Variants in NIBAN1 observed in about 807,000 individuals in gnomAD.
NIBAN1 encodes the protein protein Niban 1.
A neutral mutation model predicts 75.1 loss-of-function variants in NIBAN1; 81 were observed. The observed-to-expected ratio is 1.08, with a 90% CI of 0.90 to 1.30. The LOEUF (loss-of-function observed/expected upper bound fraction) is 1.30, where lower values mean the gene tolerates loss of function less well. Among genes scored for constraint, NIBAN1 ranks in the 50% most tolerant of loss-of-function variants. The probability of loss-of-function intolerance (pLI) is 0.00; values close to 1 mark genes in which losing one functional copy is unlikely to be tolerated. For synonymous variants in NIBAN1, 436 were observed against 424.8 expected (o/e 1.03, Z -0.32); for missense variants, 1,133 against 1,128.1 (o/e 1.00, Z -0.06).
intron 1 of NIBAN1, among the ~76,000 whole-genome samples, chr1:184,962,836 G>A (rs971585189): frequency 6.6e-5 from 10 of 152,076 alleles, no homozygotes; most frequent in African/African-American, 2.4e-4. Context: ...CAAGAAACCA[G>A]TAACTTATAT....
At chr1:184,881,114 C>G (rs1443204447) in intron 5 of NIBAN1, among the ~76,000 whole-genome samples, 1 of 152,068 alleles carries the variant, frequency 6.6e-6, no homozygotes, top group Non-Finnish European at 1.5e-5. Flanking sequence ...CACACACACA[C>G]ACACACACAC....
Position 184,795,613 on chromosome 1 carries a change from T to C in NIBAN1, c.2151A>G (p.Thr717=), listed in dbSNP as rs1211710767. The C allele has an allele frequency of 6.2e-7, 1 of 1,614,112 alleles. No individual in the cohort carries two copies. Among genetic ancestry groups the C allele is most frequent in the Non-Finnish European group, 8.5e-7 (1 of 1,180,052 alleles). The change falls in exon 14 of 14, where the codon ACA becomes ACG. Residue 717 remains threonine (T), a synonymous_variant. Transcript: ENST00000367511. ...GSLKALRKLL[T]ASVEVPVDSA... is the part of the protein sequence containing the mutation. ...AGTCCACTGGTACTTCCACGGACGCTGTCAGCAACTTTCTGAGCGCCTTCA... is the reference window on the plus strand; with the variant it reads ...AGTCCACTGGTACTTCCACGGACGCCGTCAGCAACTTTCTGAGCGCCTTCA...
At chr1:184,925,228 T>C (rs907884202) in intron 1 of NIBAN1, among the ~76,000 whole-genome samples, 2 of 152,256 alleles carry the variant, frequency 1.3e-5, no homozygotes, top group South Asian at 2.1e-4. Flanking sequence ...TATAGTTTAC[T>C]CCTGCTCTTT....
In NIBAN1 at chr1:184,974,404, C is replaced by T; in HGVS notation, c.-48G>A. The T allele has an allele frequency of 6.5e-7, 1 of 1,532,058 alleles. No individual in the cohort carries two copies. 94.9% of individuals were successfully genotyped at this position (1,532,058 alleles called of 1,614,324 possible). On this transcript the variant is annotated 5_prime_UTR_variant, in exon 1 of 14. Transcript: ENST00000367511. Reference sequence around the variant, plus strand: ...GCGCGGAAACTGCCCGGTCCGCGCCCGCTGCTAGCTCCTGGAGGTTGATCC... The same window carrying T: ...GCGCGGAAACTGCCCGGTCCGCGCCTGCTGCTAGCTCCTGGAGGTTGATCC...
At chr1:184,919,466 A>T (rs1557914497) in intron 1 of NIBAN1, among the ~76,000 whole-genome samples, 1 of 152,226 alleles carries the variant, frequency 6.6e-6, no homozygotes, top group Non-Finnish European at 1.5e-5. Context: ...GGCACAAAAT[A>T]CTTGGTTGGC....
chr1:184,828,481 G>A (rs75512607), intron 6 of NIBAN1, among the ~76,000 whole-genome samples: 21 of 152,258 alleles, frequency 1.4e-4, no homozygotes, highest in African/African-American at 4.1e-4. Flanking sequence ...TAGCTTCTCC[G>A]GGCCCCTGGC....
intron 9 of NIBAN1, 40 bp downstream of exon 9, chr1:184,818,598 G>C: frequency 6.6e-7 from 1 of 1,511,754 alleles, no homozygotes. Flanking sequence ...ACACAGCCAG[G>C]CAGACCATTC....
chr1:184,814,243 A>C (rs986270987), intron 9 of NIBAN1, among the ~76,000 whole-genome samples: 1 of 152,202 alleles, frequency 6.6e-6, no homozygotes, highest in African/African-American at 2.4e-5. Context: ...AAAGCATAAC[A>C]AAGTTTTCTT....
intron 1 of NIBAN1, among the ~76,000 whole-genome samples, chr1:184,937,587 C>T (rs1238459433): frequency 6.6e-6 from 1 of 152,216 alleles, no homozygotes; most frequent in Non-Finnish European, 1.5e-5. Context: ...AAAGGTGGGG[C>T]TGATGCTTTC....
At chr1:184,973,433 G>A (rs773816573) in intron 1 of NIBAN1, among the ~76,000 whole-genome samples, 1 of 152,086 alleles carries the variant, frequency 6.6e-6, no homozygotes, top group Admixed American at 6.5e-5. Context: ...TGGGGGATCT[G>A]GCGGCGGGGC....
At chr1:184,835,680 TG>T (rs1397498106) in intron 5 of NIBAN1, among the ~76,000 whole-genome samples, 2 of 152,242 alleles carry the variant, frequency 1.3e-5, no homozygotes, top group Non-Finnish European at 2.9e-5. Flanking sequence ...TTGTGATTTT[TG>T]CACATTGATT....
In NIBAN1 at chr1:184,796,019, C is replaced by T. The variant is rs774054893; in HGVS notation, c.1745G>A (p.Ser582Asn). 5.0e-6 allele frequency: 8 copies of T among 1,611,112 alleles called. No individual in the cohort carries two copies. In the African/African-American group the frequency reaches 9.4e-5, roughly 19 times the overall value. ...NMALPSESVS[S>N]LTDLKPPTGS... ...TGTGGGGGGCTTTAGATCTGTTAAG[C>T]TGGACACACTTTCACTGGGCAAGGC... The change falls in exon 14 of 14, where the codon AGC becomes AAC. Residue 582 changes from serine to asparagine, a missense_variant. Transcript: ENST00000367511.
At chr1:184,879,842 C>T (rs1656331757) in intron 5 of NIBAN1, among the ~76,000 whole-genome samples, 1 of 152,206 alleles carries the variant, frequency 6.6e-6, no homozygotes, top group African/African-American at 2.4e-5. Context: ...TCACTCCATA[C>T]AAGCAATGTT....
intron 1 of NIBAN1, among the ~76,000 whole-genome samples, chr1:184,910,638 T>C (rs546747038): frequency 1.2e-4 from 18 of 152,348 alleles, no homozygotes; most frequent in Non-Finnish European, 2.4e-4. Context: ...GAAATGATCT[T>C]AAATTTAGGC....
intron 1 of NIBAN1, among the ~76,000 whole-genome samples, chr1:184,942,910 C>T (rs534229761): frequency 9.2e-5 from 14 of 152,180 alleles, no homozygotes; most frequent in Non-Finnish European, 1.5e-5. Flanking sequence ...CAGGATGTTC[C>T]ATAAAAATCC....
intron 1 of NIBAN1, among the ~76,000 whole-genome samples, chr1:184,963,644 A>G (rs1658707051): frequency 6.6e-6 from 1 of 152,210 alleles, no homozygotes; most frequent in Admixed American, 6.5e-5. Context: ...ACAATAGAAA[A>G]GAAGAACACA....
chr1:184,799,000 T>G (rs1278744593), intron 12 of NIBAN1, among the ~76,000 whole-genome samples: 4 of 152,196 alleles, frequency 2.6e-5, no homozygotes, highest in Non-Finnish European at 5.9e-5. Flanking sequence ...ATTGAGATTT[T>G]TTTTCAATTT....
chr1:184,867,531 G>A (rs2102283316), intron 5 of NIBAN1, among the ~76,000 whole-genome samples: 1 of 152,250 alleles, frequency 6.6e-6, no homozygotes, highest in South Asian at 2.1e-4. Flanking sequence ...CTCCTCACTA[G>A]GGATTTAAGA....
intron 1 of NIBAN1, among the ~76,000 whole-genome samples, chr1:184,962,802 C>A (rs149030223): frequency 6.6e-6 from 1 of 152,172 alleles, no homozygotes; most frequent in African/African-American, 2.4e-5. Flanking sequence ...TTTTTATAGT[C>A]AATTGATCAT....
Sources: gnomAD v4.1 joint callset for allele counts (sites outside exome capture counted in the v4.1 genomes callset) on GRCh38, gnomAD v4.1.1 for gene constraint, MANE v1.5 for transcripts, NCBI Gene and HGNC (gene_info 2026-07-23, HGNC 2026-07-21) for gene names.